PECAM1: variants seen among roughly 807,000 people sequenced by gnomAD.
PECAM1 encodes platelet and endothelial cell adhesion molecule 1, also known as platelet endothelial cell adhesion molecule.
In PECAM1, 8 loss-of-function variants were observed where a neutral mutation model predicts 13.8. That is an observed-to-expected ratio of 0.58 (90% CI 0.34 to 1.05). The LOEUF is 1.05. Among genes scored for constraint, PECAM1 ranks in the 50% least tolerant of loss-of-function variants. The pLI is 0.03. For missense variants in PECAM1, 304 were observed against 141.2 expected, an observed-to-expected ratio of 2.15 and a Z score of -5.84; for synonymous variants, 136 against 52.6, an observed-to-expected ratio of 2.58 and a Z score of -6.86.
At position 64,329,684 on chromosome 17, in the gene PECAM1, T is replaced by G. The variant is rs781967000; in HGVS notation, c.2187+16A>C. The G allele has an allele frequency of 1.3e-6, 1 of 760,050 alleles. No homozygotes were observed. Among genetic ancestry groups the G allele is most frequent in the South Asian group, 1.4e-5 (1 of 71,424 alleles). 47.1% of individuals were successfully genotyped at this position (760,050 alleles called of 1,614,324 possible). A position where few individuals can be genotyped will look rare whatever the true frequency, so the allele number is the denominator to read the frequency against. On this transcript the variant is annotated intron_variant, in intron 15 of 15. Transcript: ENST00000563924. ...GGAGTACTTTTAAATATAATGTATA[T>G]GAAATGTGTACTTACAGAGTATCTG...
chr17:64,375,766 G>A (rs933759887), intron 3 of PECAM1, among the ~76,000 whole-genome samples: 1,539 of 151,766 alleles, frequency 0.01, 43 homozygotes, highest in African/African-American at 0.035. Flanking sequence ...AGGTTGAGGC[G>A]GCAGTGAGCA....
chr17:64,355,546 A>G (rs2035827181), intron 8 of PECAM1, among the ~76,000 whole-genome samples: 1 of 151,832 alleles, frequency 6.6e-6, no homozygotes, highest in East Asian at 1.9e-4. Flanking sequence ...TGCAACCTCT[A>G]CCTCCTGGGT....
intron 6 of PECAM1, among the ~76,000 whole-genome samples, chr17:64,362,372 G>C (rs1485169760): frequency 1.3e-5 from 2 of 152,174 alleles, no homozygotes; most frequent in African/African-American, 2.4e-5. Flanking sequence ...ATTCTTGGCC[G>C]GGTGTGGTGG....
At position 64,323,017 on chromosome 17, in the gene PECAM1, T is replaced by A. The variant is rs1371903509; in HGVS notation, c.*799A>T. On this transcript the variant is annotated 3_prime_UTR_variant, in exon 16 of 16. Transcript: ENST00000563924. ...CCACCTTGCCTGCCCTGGCAAGGAATACATTTTTAAAAATTAGTAAGAAAC... is the reference window on the plus strand; with the variant it reads ...CCACCTTGCCTGCCCTGGCAAGGAAAACATTTTTAAAAATTAGTAAGAAAC... 13 of 983,336 alleles carry A rather than the reference T, an allele frequency of 1.3e-5. No homozygotes were observed. In the African/African-American group the frequency reaches 1.9e-4, roughly 15 times the overall value. The allele number at this position is 983,336 out of a possible 1,614,324, so 60.9% of individuals were successfully genotyped here. A position where few individuals can be genotyped will look rare whatever the true frequency, so the allele number is the denominator to read the frequency against.
In PECAM1 at chr17:64,323,544, C is replaced by G. The variant is rs111586323; in HGVS notation, c.*272G>C. 2.1e-6 allele frequency: 3 copies of G among 1,400,348 alleles called. No homozygotes were observed. The highest frequency in any genetic ancestry group is 2.8e-6 in the Non-Finnish European group (3 of 1,079,032). 86.7% of individuals were successfully genotyped at this position (1,400,348 alleles called of 1,614,324 possible). On this transcript the variant is annotated 3_prime_UTR_variant, in exon 16 of 16. Transcript: ENST00000563924. ...ATATCCCAATGGCCTTGCCCTGGAT[C>G]TCCTCTTGTGCTCTTCCAATTTCCA...
chr17:64,380,631 A>C (rs2036462153), intron 2 of PECAM1, among the ~76,000 whole-genome samples: 1 of 152,246 alleles, frequency 6.6e-6, no homozygotes, highest in Admixed American at 6.5e-5. Context: ...CCAATGTTTA[A>C]AACTCTCAAA....
intron 7 of PECAM1, 82 bp from the exon 8 acceptor site, chr17:64,356,480 T>G (rs2035849245): frequency 2.4e-6 from 1 of 411,654 alleles, no homozygotes; most frequent in Admixed American, 4.4e-5. Context: ...TCAACTTTTT[T>G]TTTTTTCCTC....
rs541440037 is a variant in PECAM1, at chr17:64,329,717, C to T, written c.2170G>A (p.Val724Met). The change falls in exon 15 of 16, where the codon GTG (valine) becomes ATG (methionine). Residue 724 changes from valine (V) to methionine (M), a missense_variant. Transcript: ENST00000563924. ...GTACTTACAGAGTATCTGCTTTCCA[C>T]GGCATCTACAAAACAAAGGATGACA... Reference protein sequence around the residue: ...SEVRKAVPDAVESRYSRTEGS... With the variant: ...SEVRKAVPDAMESRYSRTEGS... The T allele has an allele frequency of 3.9e-5, 30 of 768,950 alleles. No individual in the cohort carries two copies. The highest frequency in any genetic ancestry group is 1.9e-4 in the South Asian group (14 of 72,602). 47.6% of individuals were successfully genotyped at this position (768,950 alleles called of 1,614,324 possible).
At chr17:64,329,845 C>G (rs2035057680) in intron 14 of PECAM1, 123 bp from the exon 15 acceptor site, 1 of 708,574 alleles carries the variant, frequency 1.4e-6, no homozygotes, top group Non-Finnish European at 2.6e-6. Context: ...CAGGAGACAT[C>G]AGCCGGCAGG....
intron 15 of PECAM1, among the ~76,000 whole-genome samples, chr17:64,329,136 A>G (rs907354663): frequency 2.0e-5 from 3 of 151,956 alleles, no homozygotes; most frequent in Non-Finnish European, 4.4e-5. Flanking sequence ...TTCATTCTTC[A>G]TGGCCCATTC....
chr17:64,368,588 G>A (rs1006753879), intron 5 of PECAM1, among the ~76,000 whole-genome samples: 2 of 152,108 alleles, frequency 1.3e-5, no homozygotes, highest in Admixed American at 1.3e-4. Context: ...AGTGGCTCAT[G>A]CCTATAATCC....
In PECAM1 at chr17:64,325,635, G is replaced by C. The variant is rs1035664974; in HGVS notation, c.2188-1790C>G. ...ACCTGTAGTCCCAGCTACTCAGGAG[G>C]CTGAGGTGGGAGGATCACTTGAGTC... On this transcript the variant is annotated intron_variant, in intron 15 of 15. Coordinates refer to ENST00000563924, the MANE Select transcript of PECAM1 (RefSeq NM_000442.5). Among the ~76,000 whole-genome samples, 3 of 152,306 alleles carry C rather than the reference G, an allele frequency of 2.0e-5. No individual in the cohort carries two copies. In the East Asian group the frequency reaches 5.8e-4, roughly 29 times the overall value.
At position 64,320,242 on chromosome 17, in the gene PECAM1, A is replaced by G. The variant is rs1216593493; in HGVS notation, c.*3574T>C. On this transcript the variant is annotated 3_prime_UTR_variant, in exon 16 of 16. Coordinates refer to ENST00000563924, the MANE Select transcript of PECAM1 (RefSeq NM_000442.5). ...AGAGTTCTTGGTGTGTACCTTTCAG[A>G]GACCTCCTCCTTAAGACTCTCAAAG... 1 of 152,238 alleles carries G rather than the reference A, an allele frequency of 6.6e-6. No individual in the cohort carries two copies. The highest frequency in any genetic ancestry group is 1.5e-5 in the Non-Finnish European group (1 of 68,070). 9.4% of individuals were successfully genotyped at this position (152,238 alleles called of 1,614,324 possible). A position where few individuals can be genotyped will look rare whatever the true frequency, so the allele number is the denominator to read the frequency against.
chr17:64,375,772 G>A (rs1052111394), intron 3 of PECAM1, among the ~76,000 whole-genome samples: 68 of 152,082 alleles, frequency 4.5e-4, no homozygotes, highest in African/African-American at 1.5e-3. Flanking sequence ...AGGCGGCAGT[G>A]AGCAGTGATC....
chr17:64,336,581 G>A (rs1412622574), intron 14 of PECAM1, among the ~76,000 whole-genome samples: 5 of 152,186 alleles, frequency 3.3e-5, no homozygotes, highest in African/African-American at 4.8e-5. Flanking sequence ...TTAGCAACCA[G>A]TAAGAGGAAA....
chr17:64,385,505 G>C (rs2036573510), intron 2 of PECAM1, among the ~76,000 whole-genome samples: 1 of 152,186 alleles, frequency 6.6e-6, no homozygotes, highest in African/African-American at 2.4e-5. Flanking sequence ...GTGCTCATCA[G>C]AGAGCATGCT....
At chr17:64,353,979 G>T (rs971766118) in intron 9 of PECAM1, among the ~76,000 whole-genome samples, 6 of 139,096 alleles carry the variant, frequency 4.3e-5, no homozygotes, top group Non-Finnish European at 9.2e-5. Context: ...TTGCTCTGTT[G>T]CCCAGGCTGG....
intron 3 of PECAM1, among the ~76,000 whole-genome samples, chr17:64,377,201 C>T (rs1168797546): frequency 6.6e-6 from 1 of 152,150 alleles, no homozygotes. Flanking sequence ...TCTTAACACA[C>T]CGCTGTGGCC....
rs1021862429 is a variant in PECAM1 at position 64,342,768 on chromosome 17, T to C, written c.2108-1078A>G. On this transcript the variant is annotated intron_variant, in intron 13 of 15. Transcript: ENST00000563924. ...CGCCCTTCCTGCCATCTGTTTACCT[T>C]ACACTGGGGTATGGGCACAGGATGT... Among the ~76,000 whole-genome samples the C allele has an allele frequency of 2.6e-5, 4 of 152,074 alleles. 2 individuals carry two copies. The South Asian group carries it at 8.3e-4, about 31-fold the overall frequency.
Sources: allele counts gnomAD v4.1 joint callset (sites outside exome capture counted in the v4.1 genomes callset), GRCh38; gene constraint gnomAD v4.1.1; transcripts MANE v1.5; gene names NCBI Gene and HGNC (gene_info 2026-07-23, HGNC 2026-07-21).